BTBD9: variants seen among roughly 807,000 people sequenced by gnomAD.
BTBD9 encodes the protein BTB/POZ domain-containing protein 9.
Under a neutral mutation model 64.3 loss-of-function variants are expected in BTBD9, and 49 were observed. That is an observed-to-expected ratio of 0.76 (90% CI 0.61 to 0.97). The LOEUF (loss-of-function observed/expected upper bound fraction) is 0.97. Among genes scored for constraint, BTBD9 ranks in the 50% least tolerant of loss-of-function variants. The probability of loss-of-function intolerance (pLI) is 0.00; values close to 1 mark genes in which losing one functional copy is unlikely to be tolerated. For synonymous variants in BTBD9, 260 were observed against 274.7 expected (o/e 0.95, Z 0.53); for missense variants, 598 against 762.1 (o/e 0.78, Z 2.53).
chr6:38,358,699 C>T (rs1322167615), intron 6 of BTBD9, among the ~76,000 whole-genome samples: 1 of 152,020 alleles, frequency 6.6e-6, no homozygotes, highest in African/African-American at 2.4e-5. Context: ...TGTTTGTTTG[C>T]TTTCCTGAGT....
intron 8 of BTBD9, among the ~76,000 whole-genome samples, chr6:38,278,396 G>A (rs1251521045): frequency 6.6e-6 from 1 of 152,204 alleles, no homozygotes; most frequent in Admixed American, 6.5e-5. Context: ...ATGACCTCTA[G>A]TAAAACAAAT....
intron 1 of BTBD9, among the ~76,000 whole-genome samples, chr6:38,630,060 T>A (rs1423657008): frequency 6.6e-6 from 1 of 151,144 alleles, no homozygotes; most frequent in Admixed American, 6.6e-5. Flanking sequence ...AATACAAAAT[T>A]AGCCAGGCAT....
chr6:38,636,105 T>C (rs1778518338), intron 1 of BTBD9, among the ~76,000 whole-genome samples: 1 of 152,222 alleles, frequency 6.6e-6, no homozygotes, highest in African/African-American at 2.4e-5. Context: ...AGTACCTTTG[T>C]GTTAATCACT....
chr6:38,522,627 C>G (rs1427441912), intron 6 of BTBD9, among the ~76,000 whole-genome samples: 1 of 152,202 alleles, frequency 6.6e-6, no homozygotes, highest in Non-Finnish European at 1.5e-5. Flanking sequence ...CTTGATGCTT[C>G]CCATGGCTTC....
intron 9 of BTBD9, among the ~76,000 whole-genome samples, chr6:38,210,447 G>A (rs926061965): frequency 2.0e-5 from 3 of 152,064 alleles, no homozygotes; most frequent in African/African-American, 7.3e-5. Context: ...CAATGATTTT[G>A]AGTATCATGC....
chr6:38,591,116 C>G (rs1776772944), intron 4 of BTBD9, among the ~76,000 whole-genome samples: 1 of 152,154 alleles, frequency 6.6e-6, no homozygotes, highest in Admixed American at 6.5e-5. Context: ...TGCCACTCTC[C>G]CTCTCTCAAA....
At chr6:38,342,850 T>C (rs1048500787) in intron 7 of BTBD9, among the ~76,000 whole-genome samples, 3 of 152,186 alleles carry the variant, frequency 2.0e-5, no homozygotes, top group African/African-American at 7.2e-5. Flanking sequence ...AGATTACTGT[T>C]TTAAACACCT....
At position 38,174,968 on chromosome 6, in the gene BTBD9, C is replaced by A. The variant is rs1273006233; in HGVS notation, c.*17G>T. ...GTTGCCCGAGCCCACCAAGTCACAC[C>A]AGGCCCGCTGCCTCCTTTATTGGTG... On this transcript the variant is annotated 3_prime_UTR_variant, in exon 11 of 11. Transcript: ENST00000481247. 8.7e-6 allele frequency: 14 copies of A among 1,613,142 alleles called. No individual in the cohort carries two copies. The highest frequency in any genetic ancestry group is 1.1e-5 in the Non-Finnish European group (13 of 1,180,002).
intron 6 of BTBD9, among the ~76,000 whole-genome samples, chr6:38,428,776 G>A (rs1227634936): frequency 6.7e-6 from 1 of 149,384 alleles, no homozygotes; most frequent in African/African-American, 2.5e-5. Context: ...GCAGTGGCGC[G>A]ATCTCGGCTC....
At chr6:38,301,290 A>G (rs1455557359) in intron 7 of BTBD9, among the ~76,000 whole-genome samples, 1 of 152,186 alleles carries the variant, frequency 6.6e-6, no homozygotes, top group Non-Finnish European at 1.5e-5. Flanking sequence ...TTTTGCATCA[A>G]TGTTCATCAA....
chr6:38,360,181 A>T (rs1764893817), intron 6 of BTBD9, among the ~76,000 whole-genome samples: 1 of 152,198 alleles, frequency 6.6e-6, no homozygotes, highest in South Asian at 2.1e-4. Context: ...TGGTTTATTC[A>T]CTTAACTTCT....
At chr6:38,441,848 A>G (rs1196944724) in intron 6 of BTBD9, among the ~76,000 whole-genome samples, 2 of 152,220 alleles carry the variant, frequency 1.3e-5, no homozygotes, top group African/African-American at 2.4e-5. Flanking sequence ...GGATGTTATC[A>G]ACAGTCCAAT....
At chr6:38,545,653 C>A (rs1207905063) in intron 6 of BTBD9, among the ~76,000 whole-genome samples, 6 of 151,466 alleles carry the variant, frequency 4.0e-5, no homozygotes, top group Admixed American at 3.9e-4. Flanking sequence ...GTGGCGGGCA[C>A]CTGTAGTCCC....
chr6:38,356,011 T>C (rs1764713661), intron 6 of BTBD9, among the ~76,000 whole-genome samples: 1 of 152,210 alleles, frequency 6.6e-6, no homozygotes, highest in Non-Finnish European at 1.5e-5. Context: ...TCTAAATGTA[T>C]TGTTTTACTG....
At chr6:38,587,203 C>T (rs892217232) in intron 4 of BTBD9, 2 of 200,876 alleles carry the variant, frequency 1.0e-5, no homozygotes, top group Admixed American at 5.7e-5. Context: ...CCCTGCAACA[C>T]CCCAGCCTGG....
At chr6:38,232,179 G>C (rs188245078) in intron 9 of BTBD9, among the ~76,000 whole-genome samples, 2 of 152,094 alleles carry the variant, frequency 1.3e-5, no homozygotes, top group Non-Finnish European at 2.9e-5. Flanking sequence ...AGGGCCTTCC[G>C]ACTGCACAGA....
At chr6:38,416,900 C>A (rs1309331791) in intron 6 of BTBD9, among the ~76,000 whole-genome samples, 1 of 152,078 alleles carries the variant, frequency 6.6e-6, no homozygotes, top group Non-Finnish European at 1.5e-5. Context: ...ATGCAGGTCC[C>A]AGCCTTTGCC....
intron 6 of BTBD9, among the ~76,000 whole-genome samples, chr6:38,487,672 A>G (rs1045174030): frequency 4.0e-5 from 6 of 150,214 alleles, no homozygotes; most frequent in Non-Finnish European, 8.9e-5. Context: ...AAAGAGAAGA[A>G]AAGAGAAGAA....
chr6:38,507,835 T>C (rs1232096359), intron 6 of BTBD9, among the ~76,000 whole-genome samples: 2 of 149,114 alleles, frequency 1.3e-5, no homozygotes, highest in Non-Finnish European at 3.0e-5. Context: ...CAAATTTTTT[T>C]TTTTTTTTTT....
Sources: allele counts gnomAD v4.1 joint callset (sites outside exome capture counted in the v4.1 genomes callset), GRCh38; gene constraint gnomAD v4.1.1; transcripts MANE v1.5; gene names NCBI Gene and HGNC (gene_info 2026-07-23, HGNC 2026-07-21).